LIMA1: variants seen among roughly 807,000 people sequenced by gnomAD.
The protein encoded by LIMA1 is LIM domain and actin binding 1.
Under a neutral mutation model 62.6 loss-of-function variants are expected in LIMA1, and 52 were observed. The ratio of observed to expected loss-of-function variants is 0.83; its 90% CI spans 0.67 to 1.05. LIMA1 has a LOEUF of 1.05. Ranked by LOEUF, LIMA1 falls within the 50% of genes least tolerant of loss-of-function variation. The probability of loss-of-function intolerance (pLI) is 0.00; values close to 1 mark genes in which losing one functional copy is unlikely to be tolerated. For synonymous variants in LIMA1, 302 were observed against 317.8 expected, an observed-to-expected ratio of 0.95 and a Z score of 0.53; for missense variants, 780 against 902.2, an observed-to-expected ratio of 0.86 and a Z score of 1.74.
intron 4 of LIMA1, 43 bp from the exon 5 acceptor site, chr12:50,206,111 G>T: frequency 6.5e-7 from 1 of 1,530,546 alleles, no homozygotes; most frequent in Non-Finnish European, 9.0e-7. Context: ...GAAACAATGG[G>T]AAATCTTGAC....
rs577308413 is a variant in LIMA1, at chr12:50,241,933, A to AT, written c.119+6699dup. On this transcript the variant is annotated intron_variant, in intron 2 of 10. Transcript: ENST00000341247. ...AATTTTGTTCCTCTTTCCTTCCCAG[A>AT]TTTTTTTTTTTTTTTTTTTTTTTTT... Among the ~76,000 whole-genome samples, 336 of 36,420 alleles carry AT rather than the reference A, an allele frequency of 9.2e-3. 75 individuals are homozygous for AT. The highest frequency in any genetic ancestry group is 0.013 in the Non-Finnish European group (270 of 20,238). The allele number at this position is 36,420 out of a possible 152,430, so 23.9% of individuals were successfully genotyped here.
chr12:50,277,699 A>C (rs1942291894), intron 1 of LIMA1, among the ~76,000 whole-genome samples: 1 of 152,178 alleles, frequency 6.6e-6, no homozygotes, highest in Non-Finnish European at 1.5e-5. Context: ...GGCATTTATA[A>C]CACCACAATT....
intron 9 of LIMA1, among the ~76,000 whole-genome samples, chr12:50,185,086 T>C (rs1480076326): frequency 3.3e-5 from 5 of 152,204 alleles, no homozygotes; most frequent in Admixed American, 3.3e-4. Flanking sequence ...CACCTTGGCC[T>C]CCCAAAGTGC....
At chr12:50,194,876 T>C (rs61928263) in intron 8 of LIMA1, among the ~76,000 whole-genome samples, 27,490 of 151,986 alleles carry the variant, frequency 0.18, 3,265 homozygotes, top group South Asian at 0.3. Context: ...GGTGAAACCC[T>C]GTCTCTACTA....
chr12:50,271,454 G>A (rs966907148), intron 1 of LIMA1, among the ~76,000 whole-genome samples: 8 of 151,322 alleles, frequency 5.3e-5, no homozygotes, highest in African/African-American at 1.2e-4. Flanking sequence ...TTCCCTCCCC[G>A]TCCCAGCTGA....
intron 1 of LIMA1, among the ~76,000 whole-genome samples, chr12:50,270,604 CAAAAAAAAAAAAAAA>C (rs150300834): frequency 8.6e-4 from 62 of 71,714 alleles, no homozygotes; most frequent in African/African-American, 3.0e-3. Flanking sequence ...GACCTTATCT[CAAAAAAAAAAAAAAA>C]AAAAAAAAAA....
intron 1 of LIMA1, among the ~76,000 whole-genome samples, chr12:50,262,770 G>A (rs1438621380): frequency 1.3e-5 from 2 of 152,132 alleles, no homozygotes; most frequent in Non-Finnish European, 2.9e-5. Flanking sequence ...AGTGGGCCAT[G>A]ATCACACCAT....
intron 10 of LIMA1, among the ~76,000 whole-genome samples, chr12:50,180,747 A>C (rs192556976): frequency 2.0e-5 from 3 of 152,196 alleles, no homozygotes; most frequent in Non-Finnish European, 4.4e-5. Flanking sequence ...TTTTTCCCTT[A>C]AGTTACGAAC....
At chr12:50,251,624 CA>C (rs397850152) in intron 1 of LIMA1, among the ~76,000 whole-genome samples, 34,522 of 81,520 alleles carry the variant, frequency 0.42, 3,402 homozygotes, top group South Asian at 0.52. Flanking sequence ...GACTCCACCT[CA>C]AAAAAAAAAA....
chr12:50,183,865 G>C (rs933429104), intron 9 of LIMA1, among the ~76,000 whole-genome samples: 1 of 148,494 alleles, frequency 6.7e-6, no homozygotes, highest in Admixed American at 6.7e-5. Flanking sequence ...AATTCAGACT[G>C]TTGGTTCACT....
At position 50,193,678 on chromosome 12, in the gene LIMA1, T is replaced by A. The variant is rs865838950; in HGVS notation, c.1031-1117A>T. ...TATATATATATATATTTTTTTTTTT[T>A]TTTTTTTTCAGAGTCTCACTCTGTC... is the stretch of plus-strand genomic sequence containing the variant. On this transcript the variant is annotated intron_variant, in intron 8 of 10. Coordinates refer to ENST00000341247, the MANE Select transcript of LIMA1 (RefSeq NM_016357.5). Among the ~76,000 whole-genome samples, 806 of 131,826 alleles carry A rather than the reference T, an allele frequency of 6.1e-3. 19 individuals carry two copies. Among genetic ancestry groups the A allele is most frequent in the African/African-American group, 0.022 (754 of 34,834 alleles). The allele number at this position is 131,826 out of a possible 152,430, so 86.5% of individuals were successfully genotyped here.
At chr12:50,246,499 C>A (rs1941851319) in intron 2 of LIMA1, among the ~76,000 whole-genome samples, 1 of 152,074 alleles carries the variant, frequency 6.6e-6, no homozygotes, top group Admixed American at 6.6e-5. Context: ...CCCAAGAGAG[C>A]CTCATAAATT....
intron 2 of LIMA1, among the ~76,000 whole-genome samples, chr12:50,238,989 T>A (rs1175107826): frequency 1.3e-5 from 2 of 152,334 alleles, no homozygotes; most frequent in East Asian, 3.9e-4. Context: ...ATACATACTA[T>A]TCTGCTTCTC....
chr12:50,236,897 T>C (rs1432988886), intron 2 of LIMA1, among the ~76,000 whole-genome samples: 1 of 151,948 alleles, frequency 6.6e-6, no homozygotes, highest in East Asian at 1.9e-4. Context: ...GGGCTGTCAT[T>C]GTACCACCGA....
intron 9 of LIMA1, chr12:50,188,443 G>A (rs1592498251): frequency 6.6e-6 from 1 of 152,200 alleles, no homozygotes; most frequent in Non-Finnish European, 1.5e-5. Flanking sequence ...CAGTGGAGAT[G>A]TAACTGGGTT....
chr12:50,248,017 G>A (rs1288338781), intron 2 of LIMA1, among the ~76,000 whole-genome samples: 4 of 152,272 alleles, frequency 2.6e-5, no homozygotes, highest in South Asian at 2.1e-4. Flanking sequence ...GCAGAACTTC[G>A]TGCAATGATG....
intron 1 of LIMA1, among the ~76,000 whole-genome samples, chr12:50,266,578 A>G (rs558836108): frequency 2.6e-5 from 4 of 152,310 alleles, no homozygotes; most frequent in South Asian, 4.1e-4. Flanking sequence ...TATGAATAAG[A>G]ATGGAACAAA....
intron 1 of LIMA1, among the ~76,000 whole-genome samples, chr12:50,270,603 T>TC (rs1942197105): frequency 2.1e-5 from 1 of 47,652 alleles, no homozygotes; most frequent in South Asian, 9.8e-4. Context: ...AGACCTTATC[T>TC]CAAAAAAAAA....
Position 50,222,354 on chromosome 12 carries a change from G to A in LIMA1, c.297C>T (p.His99=). ...CTTCAGCAGGAGGATGGTCTGCTCT[G>A]TGCCTAATCTCAGTGCTGCTGTTCC... ...SLRNSSTEIR[H]RADHPPAEVT... The change falls in exon 4 of 11, where the codon CAC becomes CAT. Residue 99 remains histidine, a synonymous_variant. Transcript: ENST00000341247. 1 of 1,614,162 alleles carries A rather than the reference G, an allele frequency of 6.2e-7. No homozygotes were observed. Among genetic ancestry groups the A allele is most frequent in the Non-Finnish European group, 8.5e-7 (1 of 1,180,022 alleles).
Sources: gnomAD v4.1 joint callset for allele counts (sites outside exome capture counted in the v4.1 genomes callset) on GRCh38, gnomAD v4.1.1 for gene constraint, MANE v1.5 for transcripts, NCBI Gene and HGNC (gene_info 2026-07-23, HGNC 2026-07-21) for gene names.